Variants in CACNA1S observed in about 807,000 individuals in gnomAD.
CACNA1S encodes voltage-dependent L-type calcium channel subunit alpha-1S.
Under a neutral mutation model 207.4 loss-of-function variants are expected in CACNA1S, and 126 were observed. The ratio of observed to expected loss-of-function variants is 0.61; its 90% confidence interval spans 0.53 to 0.70. CACNA1S has a LOEUF of 0.70. Among genes scored for constraint, CACNA1S ranks in the 30% least tolerant of loss-of-function variants. The pLI is 0.00. For synonymous variants in CACNA1S, 960 were observed against 932.7 expected, an observed-to-expected ratio of 1.03 and a Z score of -0.53; for missense variants, 2,349 against 2,422.8, an observed-to-expected ratio of 0.97 and a Z score of 0.64.
chr1:201,083,387 A>G, intron 9 of CACNA1S, 65 bp from the exon 10 acceptor site: 2 of 1,555,878 alleles, frequency 1.3e-6, no homozygotes, highest in South Asian at 1.1e-5. Flanking sequence ...TGTCCAAGCT[A>G]CCTTCAGACA....
intron 28 of CACNA1S, among the ~76,000 whole-genome samples, chr1:201,056,093 A>G (rs886773906): frequency 6.6e-6 from 1 of 151,538 alleles, no homozygotes; most frequent in African/African-American, 2.4e-5. Flanking sequence ...ACACACACAC[A>G]CACACACACA....
chr1:201,047,834 C>T (rs528049967), intron 36 of CACNA1S, among the ~76,000 whole-genome samples: 1 of 152,362 alleles, frequency 6.6e-6, no homozygotes, highest in Non-Finnish European at 1.5e-5. Context: ...CATGTACTTT[C>T]TCCCCACAGG....
At position 201,053,016 on chromosome 1, in the gene CACNA1S, C is replaced by G. The variant is rs533475991; in HGVS notation, c.3861+193G>C. Among the ~76,000 whole-genome samples, 1 of 152,134 alleles carries G rather than the reference C, an allele frequency of 6.6e-6. No homozygotes were observed. Among genetic ancestry groups the G allele is most frequent in the East Asian group, 2.0e-4 (1 of 5,122 alleles). ...TGTCCACCCACATGCCCAGGTTTCTCCTGGCTGGCATCCAAGCATCTGACA... is the reference window on the plus strand; with the variant it reads ...TGTCCACCCACATGCCCAGGTTTCTGCTGGCTGGCATCCAAGCATCTGACA... On this transcript the variant is annotated intron_variant, in intron 31 of 43. Coordinates refer to ENST00000362061, the MANE Select transcript of CACNA1S (RefSeq NM_000069.3). This position sits in a 1 kb window ranked among gnomAD's most constrained non-coding sequence, Gnocchi z 5.1.
At chr1:201,076,513 T>G (rs1572049010) in intron 12 of CACNA1S, among the ~76,000 whole-genome samples, 1 of 152,142 alleles carries the variant, frequency 6.6e-6, no homozygotes, top group Non-Finnish European at 1.5e-5. Context: ...CCCTGCAGAG[T>G]GAGAAATGGT....
At chr1:201,062,545 AGG>A in intron 22 of CACNA1S, 31 bp from the exon 23 acceptor site, 2 of 1,594,894 alleles carry the variant, frequency 1.3e-6, no homozygotes, top group Non-Finnish European at 1.7e-6. Context: ...GGAGGGAGGG[AGG>A]CATGTTGTCA....
Position 201,039,762 on chromosome 1 carries a change from C to T in CACNA1S, c.*69G>A, listed in dbSNP as rs1489435287. ...GCTGCTGCGGTGGGCTAGCCCTTCT[C>T]CACCCCAGCAACTTCCCCACCCCCA... On this transcript the variant is annotated 3_prime_UTR_variant, in exon 44 of 44. Transcript: ENST00000362061. 8.8e-6 allele frequency: 14 copies of T among 1,594,642 alleles called. No homozygotes were observed. The highest frequency in any genetic ancestry group is 2.7e-5 in the African/African-American group (2 of 74,844).
intron 10 of CACNA1S, among the ~76,000 whole-genome samples, chr1:201,082,730 G>C (rs1254654393): frequency 6.6e-6 from 1 of 152,154 alleles, no homozygotes; most frequent in Non-Finnish European, 1.5e-5. Context: ...TTCTTTTCCT[G>C]TGCCTTACAT....
At chr1:201,107,381 T>C (rs1167630864) in intron 2 of CACNA1S, among the ~76,000 whole-genome samples, 1 of 152,186 alleles carries the variant, frequency 6.6e-6, no homozygotes, top group Non-Finnish European at 1.5e-5. Context: ...TATGCTACCA[T>C]AATATCCCCA....
intron 33 of CACNA1S, 58 bp downstream of exon 33, chr1:201,050,926 C>T: frequency 6.4e-7 from 1 of 1,560,574 alleles, no homozygotes; most frequent in East Asian, 2.2e-5. Context: ...AGGCAGGCTC[C>T]CCCATGCCTC....
rs748250265 is a variant in CACNA1S, at chr1:201,069,499, G to A, written c.2463C>T (p.Pro821=). ...LSSAALAAED[P]IRADSMRNQI... ...GATTTCTCATGGAATCAGCCCGGAT[G>A]GGGTCTTCCGCAGCCAGTGCAGCGC... The change falls in exon 18 of 44, where the codon CCC becomes CCT. Residue 821 remains proline, a synonymous_variant. Transcript: ENST00000362061. The A allele has an allele frequency of 7.5e-6, 12 of 1,600,992 alleles. No homozygotes were observed. In the East Asian group the frequency reaches 2.7e-4, roughly 36 times the overall value.
At chr1:201,080,601 T>C (rs775546417) in intron 10 of CACNA1S, among the ~76,000 whole-genome samples, 1 of 152,220 alleles carries the variant, frequency 6.6e-6, no homozygotes, top group Non-Finnish European at 1.5e-5. Flanking sequence ...TTCCTTCTTT[T>C]ACCTCTTTCA....
At chr1:201,055,989 GC>G (rs1200444198) in intron 28 of CACNA1S, among the ~76,000 whole-genome samples, 5 of 151,932 alleles carry the variant, frequency 3.3e-5, no homozygotes, top group Non-Finnish European at 7.4e-5. Context: ...AACCATGGAG[GC>G]TTTTGGGATA....
intron 13 of CACNA1S, 46 bp downstream of exon 13, chr1:201,075,449 A>AACCCTTTTTTTCAC: frequency 9.4e-7 from 1 of 1,063,652 alleles, no homozygotes; most frequent in Non-Finnish European, 1.3e-6. Flanking sequence ...CCTTTCCCCC[A>AACCCTTTTTTTCAC]CCCCCTCCCT....
chr1:201,087,978 T>C (rs1194958918), intron 6 of CACNA1S, 49 bp from the exon 7 acceptor site: 1 of 1,283,762 alleles, frequency 7.8e-7, no homozygotes, highest in Non-Finnish European at 1.1e-6. Flanking sequence ...TTGGTTCCTC[T>C]TCCCCAAGTC....
At chr1:201,107,307 G>A (rs966752356) in intron 2 of CACNA1S, among the ~76,000 whole-genome samples, 4 of 152,188 alleles carry the variant, frequency 2.6e-5, no homozygotes, top group Admixed American at 6.5e-5. Context: ...TTAGGTCTCA[G>A]GTTAAACATC....
chr1:201,050,748 A>G (rs1660619114), intron 33 of CACNA1S, among the ~76,000 whole-genome samples: 2 of 152,024 alleles, frequency 1.3e-5, no homozygotes, highest in Admixed American at 1.3e-4. Flanking sequence ...AGTGCTAACC[A>G]AAACAAAAAA....
chr1:201,055,893 GA>G (rs886800668), intron 28 of CACNA1S, among the ~76,000 whole-genome samples: 1 of 152,192 alleles, frequency 6.6e-6, no homozygotes, highest in Non-Finnish European at 1.5e-5. Flanking sequence ...CAGATTTTAA[GA>G]AGTAACTATT....
chr1:201,093,733 TG>T, intron 3 of CACNA1S, 148 bp downstream of exon 3: 1 of 951,338 alleles, frequency 1.1e-6, no homozygotes, highest in Non-Finnish European at 1.7e-6. Context: ...GCTCCCTTGC[TG>T]GGCCGGCCTC....
intron 2 of CACNA1S, among the ~76,000 whole-genome samples, chr1:201,102,612 A>G (rs1662720381): frequency 6.6e-6 from 1 of 152,140 alleles, no homozygotes; most frequent in African/African-American, 2.4e-5. Context: ...GTCCATCATC[A>G]TCCTCCCTAG....
Sources: gnomAD v4.1 joint callset for allele counts (sites outside exome capture counted in the v4.1 genomes callset) on GRCh38, gnomAD v4.1.1 for gene constraint, Gnocchi (gnomAD v3.1) non-coding constraint, MANE v1.5 for transcripts, NCBI Gene and HGNC (gene_info 2026-07-23, HGNC 2026-07-21) for gene names.